Variants in ASPH observed in about 807,000 individuals in gnomAD.
ASPH encodes the protein aspartyl/asparaginyl beta-hydroxylase.
In ASPH, 100 loss-of-function variants were observed where a neutral mutation model predicts 118.4. The ratio of observed to expected loss-of-function variants is 0.84; its 90% CI spans 0.72 to 1.00. The LOEUF is 1.00. ASPH is among the 50% of genes least tolerant of loss of function. The pLI, the probability that ASPH is intolerant of heterozygous loss-of-function variation, is 0.00. For synonymous variants in ASPH, 315 were observed against 325.6 expected (o/e 0.97, Z 0.35); for missense variants, 920 against 919.5 (o/e 1.00, Z -0.01).
chr8:61,674,179 T>C lies in ASPH; in HGVS notation c.322+6789A>G, dbSNP rs191685812. Among the ~76,000 whole-genome samples, 220 of 152,328 alleles carry C rather than the reference T, an allele frequency of 1.4e-3. 1 individual carries two copies. Among genetic ancestry groups the C allele is most frequent in the African/African-American group, 4.8e-3 (201 of 41,582 alleles). The stretch of plus-strand genomic sequence containing the variant: ...ACAAATAAGATTCCTTTAAAAAGTA[T>C]ATCCCGGAAATTAGGCTGGGTGAAT... On this transcript the variant is annotated intron_variant, in intron 3 of 24. Coordinates refer to ENST00000379454, the MANE Select transcript of ASPH (RefSeq NM_004318.4).
At chr8:61,600,118 A>C (rs1843548633) in intron 14 of ASPH, among the ~76,000 whole-genome samples, 1 of 152,214 alleles carries the variant, frequency 6.6e-6, no homozygotes, top group Non-Finnish European at 1.5e-5. Context: ...GAAAATAAAA[A>C]AAAATACATC....
At position 61,646,788 on chromosome 8, in the gene ASPH, T is replaced by A; in HGVS notation, c.581A>T (p.Asp194Val). The A allele has an allele frequency of 2.5e-6, 4 of 1,613,992 alleles. No homozygotes were observed. The South Asian group carries it at 4.4e-5, about 18-fold the overall frequency. The change falls in exon 6 of 25, where the codon GAT becomes GTT. Residue 194 changes from aspartate (D) to valine (V), a missense_variant. Asp to Val is a radical substitution (Grantham distance 152). Coordinates refer to ENST00000379454, the MANE Select transcript of ASPH (RefSeq NM_004318.4). ...TTCAGGTTCCAGGGTCTCAAATCTA[T>A]CATCTACATCAGTCGCCATAAGAAA... ...DEFLMATDVD[D>V]RFETLEPEVS...
chr8:61,532,546 G>C (rs1463894212), intron 21 of ASPH, among the ~76,000 whole-genome samples: 1 of 152,056 alleles, frequency 6.6e-6, no homozygotes, highest in African/African-American at 2.4e-5. Flanking sequence ...AGTCCCACTT[G>C]TTCATTTTTG....
At chr8:61,604,867 G>C (rs766334526) in intron 14 of ASPH, among the ~76,000 whole-genome samples, 56 of 152,202 alleles carry the variant, frequency 3.7e-4, no homozygotes, top group Non-Finnish European at 6.8e-4. Context: ...TTGCTTCTTT[G>C]CTGAATACAT....
chr8:61,554,126 T>G (rs1339589473), intron 19 of ASPH, among the ~76,000 whole-genome samples: 2 of 152,068 alleles, frequency 1.3e-5, no homozygotes, highest in Non-Finnish European at 2.9e-5. Flanking sequence ...TCAAAGGAAA[T>G]GTAAGGAGAC....
rs954513931 is a variant in ASPH, at chr8:61,638,495, C to T, written c.791-132G>A. 17 of 761,296 alleles carry T rather than the reference C, an allele frequency of 2.2e-5. No homozygotes were observed. The East Asian group carries it at 2.9e-4, about 13-fold the overall frequency. 47.2% of individuals were successfully genotyped at this position (761,296 alleles called of 1,614,324 possible). A position where few individuals can be genotyped will look rare whatever the true frequency, so the allele number is the denominator to read the frequency against. ...CAAGGTTCAGTCACTGGGAAACAGCCGACTAGAGAGTAGGGTGGAGAAGAG... is the reference window on the plus strand; with the variant it reads ...CAAGGTTCAGTCACTGGGAAACAGCTGACTAGAGAGTAGGGTGGAGAAGAG... On this transcript the variant is annotated intron_variant, in intron 10 of 24. Transcript: ENST00000379454.
At chr8:61,546,843 T>C (rs996908060) in intron 21 of ASPH, among the ~76,000 whole-genome samples, 1 of 152,182 alleles carries the variant, frequency 6.6e-6, no homozygotes, top group Non-Finnish European at 1.5e-5. Flanking sequence ...TTTCAACATA[T>C]ACCTAAAGGA....
chr8:61,538,529 G>A (rs1820491793), intron 21 of ASPH, among the ~76,000 whole-genome samples: 1 of 152,138 alleles, frequency 6.6e-6, no homozygotes. Flanking sequence ...TTCAAAAGCA[G>A]TCCAGTGAAA....
chr8:61,510,146 A>G (rs4612335), intron 24 of ASPH, among the ~76,000 whole-genome samples: 82,923 of 152,076 alleles, frequency 0.55, 26,031 homozygotes, highest in Non-Finnish European at 0.7. Flanking sequence ...CACTTTATAA[A>G]TACAGTTCTG....
At chr8:61,651,971 T>C (rs1264884572) in intron 4 of ASPH, among the ~76,000 whole-genome samples, 3 of 152,320 alleles carry the variant, frequency 2.0e-5, no homozygotes, top group Non-Finnish European at 4.4e-5. Context: ...TCGGTTGTTG[T>C]CAAAGAGCTA....
rs569863851 is a variant in ASPH at position 61,589,893 on chromosome 8, A to C, written c.977-5864T>G. Among the ~76,000 whole-genome samples the C allele has an allele frequency of 4.6e-5, 7 of 152,242 alleles. No homozygotes were observed. The South Asian group carries it at 1.5e-3, about 32-fold the overall frequency. On this transcript the variant is annotated intron_variant, in intron 14 of 24. Coordinates refer to ENST00000379454, the MANE Select transcript of ASPH (RefSeq NM_004318.4). ...TATAGGATGAATGAGGAGTGGTACT[A>C]ATCTATTTGGGAGGGGAGCCTTCTT...
intron 3 of ASPH, chr8:61,662,925 T>C (rs750751595): frequency 1.3e-5 from 13 of 985,066 alleles, no homozygotes; most frequent in Non-Finnish European, 1.6e-5. Flanking sequence ...TTAGTATTTA[T>C]GTATTTTCTG....
At chr8:61,558,708 C>A (rs1416809576) in intron 18 of ASPH, among the ~76,000 whole-genome samples, 2 of 152,162 alleles carry the variant, frequency 1.3e-5, no homozygotes, top group Non-Finnish European at 2.9e-5. Flanking sequence ...ATGCTCACTG[C>A]AGTTTATATG....
At position 61,567,293 on chromosome 8, in the gene ASPH, C is replaced by T. The variant is rs762556445; in HGVS notation, c.1175G>A (p.Arg392Lys). Residue 392 changes from arginine to lysine, a missense_variant, in exon 17 of 25, where the codon AGG becomes AAG. Arg to Lys is a conservative substitution (Grantham distance 26). Transcript: ENST00000379454. Reference protein sequence around the residue: ...AQCEDDLAEKRRSNEVLRGAI... With the variant: ...AQCEDDLAEKKRSNEVLRGAI... ...TCCACGTAGCACCTCATTACTTCTCCTCTTCTCAGCCAAATCATCCTCACA... is the reference window on the plus strand; with the variant it reads ...TCCACGTAGCACCTCATTACTTCTCTTCTTCTCAGCCAAATCATCCTCACA... The T allele has an allele frequency of 6.8e-6, 11 of 1,613,830 alleles. No homozygotes were observed. The highest frequency in any genetic ancestry group is 1.3e-5 in the African/African-American group (1 of 74,900).
chr8:61,669,750 G>T (rs1821470608), intron 3 of ASPH, among the ~76,000 whole-genome samples: 1 of 152,142 alleles, frequency 6.6e-6, no homozygotes, highest in Non-Finnish European at 1.5e-5. Flanking sequence ...AGCAGAACCA[G>T]ATTTTCCTAT....
chr8:61,595,745 A>G (rs1842343017), intron 14 of ASPH, among the ~76,000 whole-genome samples: 1 of 152,208 alleles, frequency 6.6e-6, no homozygotes, highest in African/African-American at 2.4e-5. Context: ...GCCTGGATGC[A>G]CCATCAGGAA....
intron 3 of ASPH, among the ~76,000 whole-genome samples, chr8:61,678,731 C>G (rs967186434): frequency 4.6e-5 from 7 of 152,120 alleles, no homozygotes; most frequent in African/African-American, 1.7e-4. Flanking sequence ...AACAGCTCCT[C>G]TTATCTCTGA....
At chr8:61,707,713 G>C (rs1837040633) in intron 1 of ASPH, among the ~76,000 whole-genome samples, 2 of 152,140 alleles carry the variant, frequency 1.3e-5, no homozygotes, top group Non-Finnish European at 2.9e-5. Context: ...TGAAAAGCAA[G>C]GCATATTCAT....
chr8:61,510,437 C>T (rs1476035478), intron 24 of ASPH, among the ~76,000 whole-genome samples: 3 of 152,256 alleles, frequency 2.0e-5, no homozygotes, highest in South Asian at 2.1e-4. Flanking sequence ...GGTTCTAGAG[C>T]CCTATTAATA....
Sources: gnomAD v4.1 joint callset for allele counts (sites outside exome capture counted in the v4.1 genomes callset) on GRCh38, gnomAD v4.1.1 for gene constraint, MANE v1.5 for transcripts, NCBI Gene and HGNC (gene_info 2026-07-23, HGNC 2026-07-21) for gene names.